DCAF7: variants seen among roughly 807,000 people sequenced by gnomAD.
DCAF7 encodes the protein DDB1 and CUL4 associated factor 7.
In DCAF7, 4 loss-of-function variants were observed where a neutral mutation model predicts 41.2. The ratio of observed to expected loss-of-function variants is 0.10; its 90% CI spans 0.05 to 0.22. The LOEUF (loss-of-function observed/expected upper bound fraction) is 0.22. Ranked by LOEUF, DCAF7 falls within the 10% of genes least tolerant of loss-of-function variation. The pLI is 1.00. For missense variants in DCAF7, 131 were observed against 443.2 expected, an observed-to-expected ratio of 0.30 and a Z score of 6.32; for synonymous variants, 143 against 164.2, an observed-to-expected ratio of 0.87 and a Z score of 0.99.
chr17:63,573,669 G>A (rs2033531016), intron 1 of DCAF7, among the ~76,000 whole-genome samples: 1 of 151,492 alleles, frequency 6.6e-6, no homozygotes, highest in South Asian at 2.1e-4. Context: ...GGCTGAGGTA[G>A]CAGTGAACCA....
In DCAF7 at chr17:63,559,418, TAC is replaced by T. The variant is rs1309106157; in HGVS notation, c.138+8604_138+8605del. Among the ~76,000 whole-genome samples the T allele has an allele frequency of 5.1e-4, 49 of 96,142 alleles. 1 individual carries two copies. Among genetic ancestry groups the T allele is most frequent in the African/African-American group, 1.7e-3 (22 of 13,012 alleles). The allele number at this position is 96,142 out of a possible 152,430, so 63.1% of individuals were successfully genotyped here. A position where few individuals can be genotyped will look rare whatever the true frequency, so the allele number is the denominator to read the frequency against. ...ATATATGTATATATATGTATATATA[TAC>T]GTATATATATATGTGTGTGTATATA... On this transcript the variant is annotated intron_variant, in intron 1 of 6. Transcript: ENST00000614556.
chr17:63,550,671 G>A lies in DCAF7; in HGVS notation c.-7G>A. On this transcript the variant is annotated 5_prime_UTR_variant, in exon 1 of 7. Transcript: ENST00000614556. This position sits in a 1 kb window ranked among gnomAD's most constrained non-coding sequence, Gnocchi z 4.8. ...GACCCGGCCCGTACTGCGGCCCCGT[G>A]GCCACCATGTCCCTGCACGGCAAAC... 6.2e-7 allele frequency: 1 copy of A among 1,613,116 alleles called. No homozygotes were observed. Among genetic ancestry groups the A allele is most frequent in the Non-Finnish European group, 8.5e-7 (1 of 1,179,668 alleles).
At chr17:63,559,379 ATATATATG>A (rs1343841904) in intron 1 of DCAF7, among the ~76,000 whole-genome samples, 24 of 53,432 alleles carry the variant, frequency 4.5e-4, no homozygotes, top group Non-Finnish European at 7.8e-4. Flanking sequence ...ATATATGTGT[ATATATATG>A]TATATATATA....
At chr17:63,554,829 A>C (rs547585371) in intron 1 of DCAF7, among the ~76,000 whole-genome samples, 1 of 152,274 alleles carries the variant, frequency 6.6e-6, no homozygotes, top group East Asian at 1.9e-4. Context: ...CTGTTTAGTA[A>C]ATTTACTTTT....
At chr17:63,584,774 A>G (rs1290703968) in intron 5 of DCAF7, among the ~76,000 whole-genome samples, 1 of 152,082 alleles carries the variant, frequency 6.6e-6, no homozygotes, top group Non-Finnish European at 1.5e-5. Context: ...AAAAAGAAAA[A>G]CAAATGGCAG....
intron 1 of DCAF7, among the ~76,000 whole-genome samples, chr17:63,566,434 AC>A (rs1204555111): frequency 6.6e-6 from 1 of 152,166 alleles, no homozygotes; most frequent in Non-Finnish European, 1.5e-5. Flanking sequence ...GCACACACAT[AC>A]AAAAATAAAT....
At chr17:63,574,501 A>T (rs1417802638) in intron 1 of DCAF7, among the ~76,000 whole-genome samples, 2 of 152,210 alleles carry the variant, frequency 1.3e-5, no homozygotes, top group African/African-American at 4.8e-5. Flanking sequence ...ATGGATTTTT[A>T]AGAGTTAAAC....
chr17:63,585,588 C>G (rs1435773374), intron 6 of DCAF7, among the ~76,000 whole-genome samples: 1 of 152,120 alleles, frequency 6.6e-6, no homozygotes, highest in African/African-American at 2.4e-5. Context: ...TGTACTGTGC[C>G]CCTGAAATCT....
At chr17:63,586,850 G>A (rs2033682408) in intron 6 of DCAF7, among the ~76,000 whole-genome samples, 1 of 151,950 alleles carries the variant, frequency 6.6e-6, no homozygotes, top group Non-Finnish European at 1.5e-5. Context: ...AAACAGTACA[G>A]AAGCATATTT....
intron 6 of DCAF7, among the ~76,000 whole-genome samples, chr17:63,587,683 A>G (rs1218086792): frequency 6.6e-6 from 1 of 152,170 alleles, no homozygotes; most frequent in Admixed American, 6.5e-5. Context: ...CAATTAGTCT[A>G]TTAGGGTTTA....
chr17:63,573,158 ATC>A (rs144641973), intron 1 of DCAF7: 55 of 152,304 alleles, frequency 3.6e-4, no homozygotes, highest in African/African-American at 1.3e-3. Flanking sequence ...TAATAGGTGT[ATC>A]TATTTTGGTA....
intron 1 of DCAF7, among the ~76,000 whole-genome samples, chr17:63,562,915 C>G (rs1273497969): frequency 2.6e-5 from 4 of 151,686 alleles, no homozygotes; most frequent in South Asian, 2.1e-4. Flanking sequence ...GCCTCAACCT[C>G]TCAGGCTCAA....
At chr17:63,583,359 A>G (rs2033644206) in intron 4 of DCAF7, 143 bp from the exon 5 acceptor site, 14 of 739,636 alleles carry the variant, frequency 1.9e-5, no homozygotes, top group African/African-American at 3.5e-5. Context: ...GGGTTTCAGT[A>G]CTCACAGACA....
In DCAF7 at chr17:63,594,137, A is replaced by G. The variant is rs1194598539; in HGVS notation, c.*4965A>G. ...CACCTGAAAGTGGAGTGTTATAGCT[A>G]TGACTTTCTATTTCTTGTTTCCTAA... On this transcript the variant is annotated 3_prime_UTR_variant, in exon 7 of 7. Coordinates refer to ENST00000614556, the MANE Select transcript of DCAF7 (RefSeq NM_005828.5). The G allele has an allele frequency of 6.6e-6, 1 of 152,606 alleles. No homozygotes were observed. The highest frequency in any genetic ancestry group is 6.5e-5 in the Admixed American group (1 of 15,274). The allele number at this position is 152,606 out of a possible 1,614,324, so 9.5% of individuals were successfully genotyped here. A position where few individuals can be genotyped will look rare whatever the true frequency, so the allele number is the denominator to read the frequency against.
rs529811578 is a variant in DCAF7, at chr17:63,551,891, C to CAAAAAAAAAAAAAA, written c.138+1103_138+1116dup. On this transcript the variant is annotated intron_variant, in intron 1 of 6. Transcript: ENST00000614556. ...GTGAAACCCCGTCTCTACTAAAATA[C>CAAAAAAAAAAAAAA]AAAAAAAAAAAAAAAAAAAAAAAAA... 1.7e-3 allele frequency among the ~76,000 whole-genome samples: 46 copies of CAAAAAAAAAAAAAA among 27,294 alleles called. 12 individuals carry two copies. Among genetic ancestry groups the CAAAAAAAAAAAAAA allele is most frequent in the Non-Finnish European group, 2.4e-3 (30 of 12,474 alleles). 17.9% of individuals were successfully genotyped at this position (27,294 alleles called of 152,430 possible).
In DCAF7 at chr17:63,571,603, C is replaced by T. The variant is rs72845882; in HGVS notation, c.139-6867C>T. Among the ~76,000 whole-genome samples, 179 of 152,084 alleles carry T rather than the reference C, an allele frequency of 1.2e-3. 2 individuals carry two copies. Among genetic ancestry groups the T allele is most frequent in the Non-Finnish European group, 2.1e-3 (142 of 68,016 alleles). Reference sequence around the variant, plus strand: ...TGGGGAAAATCATTTTTAAAAATTACGTCAGGACTTGAATTTCATGAGCCT... The same window carrying T: ...TGGGGAAAATCATTTTTAAAAATTATGTCAGGACTTGAATTTCATGAGCCT... On this transcript the variant is annotated intron_variant, in intron 1 of 6. Transcript: ENST00000614556.
chr17:63,550,935 G>T lies in DCAF7; in HGVS notation c.138+120G>T. 1 of 1,446,388 alleles carries T rather than the reference G, an allele frequency of 6.9e-7. No individual in the cohort carries two copies. The highest frequency in any genetic ancestry group is 9.2e-7 in the Non-Finnish European group (1 of 1,091,048). The allele number at this position is 1,446,388 out of a possible 1,614,324, so 89.6% of individuals were successfully genotyped here. ...GGACTCGCCCTAGGGCCACGGAGCG[G>T]TTCCTCTGTCTGGCCCTGTGCTGAA... On this transcript the variant is annotated intron_variant, in intron 1 of 6. Coordinates refer to ENST00000614556, the MANE Select transcript of DCAF7 (RefSeq NM_005828.5). This position sits in a 1 kb window ranked among gnomAD's most constrained non-coding sequence, Gnocchi z 4.8.
intron 6 of DCAF7, among the ~76,000 whole-genome samples, chr17:63,588,127 G>T (rs2033696532): frequency 6.7e-6 from 1 of 148,402 alleles, no homozygotes; most frequent in Non-Finnish European, 1.5e-5. Flanking sequence ...TATTTTTCAT[G>T]TGCTTTTATA....
rs1242753164 is a variant in DCAF7, at chr17:63,590,710, C to T, written c.*1538C>T. On this transcript the variant is annotated 3_prime_UTR_variant, in exon 7 of 7. Transcript: ENST00000614556. ...GCTCCTACCCGAAGGTTTTTAAGTC[C>T]CTCTGAATTGCTCATCTGAGATTAG... The T allele has an allele frequency of 2.6e-5, 4 of 152,606 alleles. No homozygotes were observed. 9.5% of individuals were successfully genotyped at this position (152,606 alleles called of 1,614,324 possible).
Sources: gnomAD v4.1 joint callset for allele counts (sites outside exome capture counted in the v4.1 genomes callset) on GRCh38, gnomAD v4.1.1 for gene constraint, Gnocchi (gnomAD v3.1) non-coding constraint, MANE v1.5 for transcripts, NCBI Gene and HGNC (gene_info 2026-07-23, HGNC 2026-07-21) for gene names.